Variants in TJP2 observed in about 807,000 individuals in gnomAD.
The protein encoded by TJP2 is Friedreich ataxia region gene X104 (tight junction protein ZO-2).
TJP2 carries 91 observed loss-of-function variants against 133.1 expected under a neutral mutation model. The observed-to-expected ratio is 0.68, with a 90% CI of 0.58 to 0.81. TJP2 has a LOEUF of 0.81. Ranked by LOEUF, TJP2 falls within the 40% of genes least tolerant of loss-of-function variation. The pLI, the probability that TJP2 is intolerant of heterozygous loss-of-function variation, is 0.00. For missense variants in TJP2, 1,541 were observed against 1,565.6 expected, an observed-to-expected ratio of 0.98 and a Z score of 0.26; for synonymous variants, 592 against 583.4, an observed-to-expected ratio of 1.01 and a Z score of -0.21.
At chr9:69,244,189 A>T (rs1363672349) in intron 17 of TJP2, among the ~76,000 whole-genome samples, 1 of 151,080 alleles carries the variant, frequency 6.6e-6, no homozygotes, top group Non-Finnish European at 1.5e-5. Flanking sequence ...CTCAGGAAAA[A>T]AAAAAAAAAA....
chr9:69,252,700 G>A, intron 21 of TJP2, 115 bp from the exon 22 acceptor site: 1 of 977,604 alleles, frequency 1.0e-6, no homozygotes, highest in South Asian at 1.4e-5. Flanking sequence ...TCTTGAAATG[G>A]GATGGGAAAA....
intron 2 of TJP2, among the ~76,000 whole-genome samples, chr9:69,169,229 T>G (rs1395399019): frequency 6.6e-6 from 1 of 152,216 alleles, no homozygotes; most frequent in Non-Finnish European, 1.5e-5. Context: ...CATTATCTTC[T>G]GTATAGCTAC....
At chr9:69,243,349 C>T (rs866497715) in intron 17 of TJP2, among the ~76,000 whole-genome samples, 3 of 152,150 alleles carry the variant, frequency 2.0e-5, no homozygotes, top group East Asian at 1.9e-4. Flanking sequence ...CTCTTCCTCA[C>T]GAGTATTTAA....
At chr9:69,200,343 A>C (rs1305522505) in intron 1 of TJP2, among the ~76,000 whole-genome samples, 1 of 151,880 alleles carries the variant, frequency 6.6e-6, no homozygotes, top group Admixed American at 6.6e-5. Flanking sequence ...TCTCATCCTC[A>C]GTTAACAACC....
At chr9:69,247,524 T>C (rs1831012803) in intron 18 of TJP2, among the ~76,000 whole-genome samples, 1 of 152,206 alleles carries the variant, frequency 6.6e-6, no homozygotes, top group Admixed American at 6.5e-5. Context: ...GTATCTGGCA[T>C]CTATGGAGTG....
Position 69,246,780 on chromosome 9 carries a change from C to T in TJP2, c.2657C>T (p.Ser886Phe). ...CAGCAAGGAGAAGCGGTTTGGGTCT[C>T]TGAAGGAAAGGTATGTGGCATAGAT... is the stretch of plus-strand genomic sequence containing the variant. ...QHQQGEAVWVSEGKMEGMDDD... is the reference protein window; with the variant it reads ...QHQQGEAVWVFEGKMEGMDDD... Residue 886 changes from serine (S) to phenylalanine (F), a missense_variant, in exon 18 of 23, where the codon TCT (serine) becomes TTT (phenylalanine). Ser to Phe is a radical substitution (Grantham distance 155). Coordinates refer to ENST00000377245, the MANE Select transcript of TJP2 (RefSeq NM_004817.4). The T allele has an allele frequency of 1.2e-6, 2 of 1,614,052 alleles. No homozygotes were observed. Among genetic ancestry groups the T allele is most frequent in the Non-Finnish European group, 1.7e-6 (2 of 1,179,980 alleles).
intron 2 of TJP2, among the ~76,000 whole-genome samples, chr9:69,155,440 G>A (rs560663582): frequency 2.0e-5 from 3 of 152,310 alleles, no homozygotes; most frequent in South Asian, 2.1e-4. Flanking sequence ...GTGGCACATC[G>A]GTATCGCCTG....
chr9:69,156,201 C>T (rs1474052022), intron 2 of TJP2, among the ~76,000 whole-genome samples: 1 of 152,106 alleles, frequency 6.6e-6, no homozygotes, highest in Admixed American at 6.6e-5. Flanking sequence ...ACCATCTCTA[C>T]TAAAAATACA....
intron 2 of TJP2, among the ~76,000 whole-genome samples, chr9:69,163,024 TA>T (rs145719326): frequency 0.28 from 25,239 of 90,058 alleles, 8,619 homozygotes; most frequent in Non-Finnish European, 0.37. Flanking sequence ...ATCTTTATTT[TA>T]TTTTATTTTT....
chr9:69,197,317 C>G (rs1002884004), intron 1 of TJP2, among the ~76,000 whole-genome samples: 1 of 152,098 alleles, frequency 6.6e-6, no homozygotes, highest in Non-Finnish European at 1.5e-5. Flanking sequence ...TTTGGTCCAC[C>G]TTATTGTTGA....
chr9:69,184,868 A>G (rs1362827229), intron 1 of TJP2, among the ~76,000 whole-genome samples: 1 of 111,718 alleles, frequency 9.0e-6, no homozygotes, highest in Admixed American at 8.2e-5. Context: ...CTCTCACCTC[A>G]GCCTCCGATT....
chr9:69,206,856 C>T (rs922752224), intron 1 of TJP2, among the ~76,000 whole-genome samples: 7 of 152,118 alleles, frequency 4.6e-5, no homozygotes, highest in Admixed American at 3.3e-4. Context: ...GGATTACAGG[C>T]GCGAGCCATC....
intron 1 of TJP2, among the ~76,000 whole-genome samples, chr9:69,127,401 A>T (rs1822321539): frequency 1.3e-5 from 1 of 76,070 alleles, no homozygotes; most frequent in African/African-American, 4.0e-5. Flanking sequence ...CAAAAACTTT[A>T]AAAATTAGCT....
At chr9:69,215,208 C>T (rs994699968) in intron 2 of TJP2, among the ~76,000 whole-genome samples, 7 of 152,124 alleles carry the variant, frequency 4.6e-5, no homozygotes, top group Admixed American at 1.3e-4. Context: ...AAAACTACTT[C>T]TTGGGTACTG....
chr9:69,200,468 G>A (rs1350648911), intron 1 of TJP2, among the ~76,000 whole-genome samples: 1 of 152,142 alleles, frequency 6.6e-6, no homozygotes, highest in Non-Finnish European at 1.5e-5. Flanking sequence ...GCTCACTGTA[G>A]CCTCCAACTC....
At chr9:69,211,658 G>A (rs1827923169) in intron 1 of TJP2, among the ~76,000 whole-genome samples, 1 of 152,202 alleles carries the variant, frequency 6.6e-6, no homozygotes, top group Non-Finnish European at 1.5e-5. Flanking sequence ...TCTGTAATAT[G>A]AACGCCCAAA....
chr9:69,160,475 A>G (rs1824009652), intron 2 of TJP2, among the ~76,000 whole-genome samples: 1 of 152,124 alleles, frequency 6.6e-6, no homozygotes, highest in African/African-American at 2.4e-5. Flanking sequence ...GCTTTCCTTC[A>G]CTACTCTAGG....
intron 11 of TJP2, among the ~76,000 whole-genome samples, chr9:69,232,962 C>A (rs896778615): frequency 6.6e-6 from 1 of 152,176 alleles, no homozygotes; most frequent in African/African-American, 2.4e-5. Flanking sequence ...CCAAGGTCCT[C>A]CCACAGCCTT....
At chr9:69,214,589 C>T (rs2133225718) in intron 2 of TJP2, among the ~76,000 whole-genome samples, 1 of 152,240 alleles carries the variant, frequency 6.6e-6, no homozygotes, top group African/African-American at 2.4e-5. Flanking sequence ...CAGTTACGGG[C>T]CGGGCGCAGT....
Sources: gnomAD v4.1 joint callset for allele counts (sites outside exome capture counted in the v4.1 genomes callset) on GRCh38, gnomAD v4.1.1 for gene constraint, MANE v1.5 for transcripts, NCBI Gene and HGNC (gene_info 2026-07-23, HGNC 2026-07-21) for gene names.